The following SH3RF3 variants were observed in gnomAD, a reference collection of about 807,000 sequenced individuals.
SH3RF3 encodes the protein SH3 domain containing ring finger 3.
In SH3RF3, 29 loss-of-function variants were observed where a neutral mutation model predicts 66.3. That is an observed-to-expected ratio of 0.44 (90% CI 0.33 to 0.60). The LOEUF is 0.60. SH3RF3 is among the 20% of genes least tolerant of loss of function. The pLI, the probability that SH3RF3 is intolerant of heterozygous loss-of-function variation, is 0.04. For synonymous variants in SH3RF3, 583 were observed against 532.0 expected, an observed-to-expected ratio of 1.10 and a Z score of -1.32; for missense variants, 1,194 against 1,190.9, an observed-to-expected ratio of 1.00 and a Z score of -0.04.
chr2:109,263,891 C>T (rs1255301014), intron 1 of SH3RF3, among the ~76,000 whole-genome samples: 1 of 152,194 alleles, frequency 6.6e-6, no homozygotes, highest in Admixed American at 6.5e-5. Flanking sequence ...ATGGTGTGAA[C>T]CCAGGAGACG....
At chr2:109,359,246 C>T (rs894485055) in intron 2 of SH3RF3, among the ~76,000 whole-genome samples, 1 of 152,146 alleles carries the variant, frequency 6.6e-6, no homozygotes, top group Non-Finnish European at 1.5e-5. Flanking sequence ...TATTTGTTGG[C>T]TCTTCTAGGT....
intron 1 of SH3RF3, among the ~76,000 whole-genome samples, chr2:109,310,472 G>A: frequency 2.2e-5 from 1 of 46,254 alleles, no homozygotes. Flanking sequence ...GCTAGCAGAA[G>A]GCAAGAAATA....
At chr2:109,420,430 G>A (rs1461889208) in intron 5 of SH3RF3, among the ~76,000 whole-genome samples, 1 of 152,046 alleles carries the variant, frequency 6.6e-6, no homozygotes, top group East Asian at 1.9e-4. Flanking sequence ...TTTTGTTGTT[G>A]TTGTTGTTTT....
intron 1 of SH3RF3, among the ~76,000 whole-genome samples, chr2:109,210,934 C>A (rs538945292): frequency 7.2e-5 from 11 of 152,226 alleles, no homozygotes; most frequent in Non-Finnish European, 1.5e-4. Flanking sequence ...GCTGTCCTTT[C>A]CTGTCAGAGC....
chr2:109,142,043 T>TG (rs5833316), intron 1 of SH3RF3, among the ~76,000 whole-genome samples: 64,795 of 145,552 alleles, frequency 0.45, 14,894 homozygotes, highest in South Asian at 0.55. Flanking sequence ...TTGAGTCTCC[T>TG]GGGGGGGGGG....
intron 1 of SH3RF3, among the ~76,000 whole-genome samples, chr2:109,312,976 T>A (rs1346014205): frequency 6.6e-6 from 1 of 152,178 alleles, no homozygotes; most frequent in Non-Finnish European, 1.5e-5. Context: ...GGATTTCACT[T>A]TTATCTACAG....
chr2:109,396,033 G>A (rs1326657632), intron 3 of SH3RF3, among the ~76,000 whole-genome samples: 5 of 152,202 alleles, frequency 3.3e-5, no homozygotes, highest in East Asian at 1.9e-4. Flanking sequence ...CCAAGTGCAG[G>A]CGCGTGGCAG....
At chr2:109,207,198 G>A (rs1303406976) in intron 1 of SH3RF3, among the ~76,000 whole-genome samples, 9 of 152,168 alleles carry the variant, frequency 5.9e-5, no homozygotes, top group Non-Finnish European at 1.2e-4. Context: ...CTCATCTTGT[G>A]CAAACAGGTC....
intron 8 of SH3RF3, among the ~76,000 whole-genome samples, chr2:109,458,547 C>G (rs150427757): frequency 0.015 from 1,388 of 95,656 alleles, 100 homozygotes; most frequent in Admixed American, 0.13. Context: ...TCAGGGATCT[C>G]CAGAGAAACA....
At position 109,129,795 on chromosome 2, in the gene SH3RF3, C is replaced by A; in HGVS notation, c.255C>A (p.Ile85=). The A allele has an allele frequency of 6.5e-7, 1 of 1,538,854 alleles. No homozygotes were observed. Among genetic ancestry groups the A allele is most frequent in the Non-Finnish European group, 8.7e-7 (1 of 1,145,426 alleles). ...HTFCRRCLES[I]VCSRHELRCP... ...TCTGCCGCCGCTGCCTGGAGAGCATCGTGTGCTCGCGCCACGAGCTGCGCT... is the reference window on the plus strand; with the variant it reads ...TCTGCCGCCGCTGCCTGGAGAGCATAGTGTGCTCGCGCCACGAGCTGCGCT... The change falls in exon 1 of 10, where the codon ATC becomes ATA. Residue 85 remains isoleucine, a synonymous_variant. Coordinates refer to ENST00000309415, the MANE Select transcript of SH3RF3 (RefSeq NM_001099289.3).
intron 1 of SH3RF3, among the ~76,000 whole-genome samples, chr2:109,222,033 A>G (rs1236185242): frequency 6.6e-6 from 1 of 152,198 alleles, no homozygotes; most frequent in East Asian, 1.9e-4. Flanking sequence ...GAATGAAATC[A>G]TGTCATTTGC....
In SH3RF3 at chr2:109,438,815, G is replaced by T. The variant is rs527783501; in HGVS notation, c.1828+1669G>T. ...CTGACTGGTCAGAGGCAGCCAATAT[G>T]CTGATCTGTTTGGCCACTGGAGCAC... On this transcript the variant is annotated intron_variant, in intron 7 of 9. Coordinates refer to ENST00000309415, the MANE Select transcript of SH3RF3 (RefSeq NM_001099289.3). 3.9e-5 allele frequency among the ~76,000 whole-genome samples: 6 copies of T among 152,296 alleles called. No individual in the cohort carries two copies. The East Asian group carries it at 1.2e-3, about 29-fold the overall frequency.
intron 1 of SH3RF3, among the ~76,000 whole-genome samples, chr2:109,164,796 C>T (rs1009765305): frequency 6.6e-6 from 1 of 152,200 alleles, no homozygotes; most frequent in Non-Finnish European, 1.5e-5. Flanking sequence ...AAAACTGCCA[C>T]TGGCACCCTA....
At chr2:109,423,741 A>C (rs144460875) in intron 5 of SH3RF3, among the ~76,000 whole-genome samples, 5 of 152,146 alleles carry the variant, frequency 3.3e-5, no homozygotes, top group African/African-American at 1.2e-4. Context: ...CCCCATGGTC[A>C]CCCCTTCCAG....
chr2:109,214,449 A>T (rs735373), intron 1 of SH3RF3, among the ~76,000 whole-genome samples: 6,679 of 150,488 alleles, frequency 0.044, 472 homozygotes, highest in African/African-American at 0.15. Context: ...TTAAAGTATT[A>T]AAAAAAAAGA....
chr2:109,154,218 G>A (rs376972724), intron 1 of SH3RF3, among the ~76,000 whole-genome samples: 1 of 152,174 alleles, frequency 6.6e-6, no homozygotes, highest in African/African-American at 2.4e-5. Flanking sequence ...GCATCCATGT[G>A]GTGCTTTCTG....
At chr2:109,292,769 G>C (rs917358077) in intron 1 of SH3RF3, among the ~76,000 whole-genome samples, 4 of 152,150 alleles carry the variant, frequency 2.6e-5, no homozygotes, top group Admixed American at 6.5e-5. Context: ...TTTCACTCTT[G>C]TTGCCCAGGC....
chr2:109,291,207 G>A (rs1174748321), intron 1 of SH3RF3, among the ~76,000 whole-genome samples: 2 of 152,020 alleles, frequency 1.3e-5, no homozygotes, highest in African/African-American at 2.4e-5. Flanking sequence ...TGAAAATGCT[G>A]TCAGGATATT....
chr2:109,370,165 G>A (rs963172524), intron 2 of SH3RF3, among the ~76,000 whole-genome samples: 3 of 152,042 alleles, frequency 2.0e-5, no homozygotes, highest in Admixed American at 2.0e-4. Flanking sequence ...AGTGGCACCC[G>A]TCTTGCCCAG....
Sources: gnomAD v4.1 joint callset for allele counts (sites outside exome capture counted in the v4.1 genomes callset) on GRCh38, gnomAD v4.1.1 for gene constraint, MANE v1.5 for transcripts, NCBI Gene and HGNC (gene_info 2026-07-23, HGNC 2026-07-21) for gene names.